DPH6: variants seen among roughly 807,000 people sequenced by gnomAD.
DPH6 encodes diphthamine biosynthesis 6, also known as diphthine--ammonia ligase.
Under a neutral mutation model 38.2 loss-of-function variants are expected in DPH6, and 33 were observed. The ratio of observed to expected loss-of-function variants is 0.86; its 90% CI spans 0.65 to 1.15. The LOEUF (loss-of-function observed/expected upper bound fraction) is 1.15. Ranked by LOEUF, DPH6 falls within the 50% of genes most tolerant of loss-of-function variation. The pLI, the probability that DPH6 is intolerant of heterozygous loss-of-function variation, is 0.00. For missense variants in DPH6, 325 were observed against 320.0 expected, an observed-to-expected ratio of 1.02 and a Z score of -0.12; for synonymous variants, 108 against 103.0, an observed-to-expected ratio of 1.05 and a Z score of -0.30.
At chr15:35,187,417 T>TTC in the DPH6 span, among the ~76,000 whole-genome samples, 1 of 152,224 alleles carries the variant, frequency 6.6e-6, no homozygotes, top group African/African-American at 2.4e-5. Context: ...AATAGCTGAA[T>TTC]GGATTAATAT....
downstream of DPH6, among the ~76,000 whole-genome samples, chr15:35,369,108 G>A (rs1221937618): frequency 2.0e-5 from 3 of 151,722 alleles, no homozygotes; most frequent in African/African-American, 7.3e-5. Context: ...TAGTACAGAG[G>A]CATATGACCA....
intron 5 of DPH6, among the ~76,000 whole-genome samples, chr15:35,416,964 G>A (rs1595545086): frequency 6.6e-6 from 1 of 151,972 alleles, no homozygotes; most frequent in East Asian, 1.9e-4. Context: ...GGATGTTGTA[G>A]GAAGATTATT....
At chr15:35,377,539 A>G (rs536443644) in intron 7 of DPH6, among the ~76,000 whole-genome samples, 2 of 152,324 alleles carry the variant, frequency 1.3e-5, no homozygotes, top group South Asian at 4.1e-4. Context: ...ATGTAAAATA[A>G]GTAATAAGAG....
At chr15:35,187,404 A>C in the DPH6 span, among the ~76,000 whole-genome samples, 3 of 152,356 alleles carry the variant, frequency 2.0e-5, no homozygotes, top group African/African-American at 7.2e-5. Context: ...CAAATGTACC[A>C]GTAATAGCTG....
chr15:35,324,887 G>C (rs2052269479), intron 3 of DPH6, among the ~76,000 whole-genome samples: 1 of 152,140 alleles, frequency 6.6e-6, no homozygotes, highest in Non-Finnish European at 1.5e-5. Flanking sequence ...CTATGAAAGT[G>C]AAACAATTAT....
intron 6 of DPH6, among the ~76,000 whole-genome samples, chr15:35,404,606 C>T (rs1042006787): frequency 6.6e-6 from 1 of 152,134 alleles, no homozygotes; most frequent in East Asian, 1.9e-4. Flanking sequence ...GTATAAGCTC[C>T]TTCTATATTC....
At chr15:35,454,949 A>C in intron 3 of DPH6, 129 bp from the exon 4 acceptor site, 1 of 588,140 alleles carries the variant, frequency 1.7e-6, no homozygotes, top group Admixed American at 3.8e-5. Flanking sequence ...ATTTACTGAA[A>C]ATATAATCGA....
the DPH6 span, among the ~76,000 whole-genome samples, chr15:35,205,935 T>C: frequency 1.3e-5 from 2 of 152,136 alleles, no homozygotes; most frequent in Non-Finnish European, 2.9e-5. Context: ...AAATAACTTA[T>C]ATTGCTTTCT....
Position 35,543,259 on chromosome 15 carries a change from AATATATATATATAT to A in DPH6, c.24-766_24-753del, listed in dbSNP as rs6145522. Among the ~76,000 whole-genome samples the A allele has an allele frequency of 7.9e-3, 902 of 114,100 alleles. 7 individuals carry two copies. Among genetic ancestry groups the A allele is most frequent in the East Asian group, 0.019 (78 of 4,210 alleles). The allele number at this position is 114,100 out of a possible 152,430, so 74.9% of individuals were successfully genotyped here. A position where few individuals can be genotyped will look rare whatever the true frequency, so the allele number is the denominator to read the frequency against. On this transcript the variant is annotated intron_variant, in intron 1 of 8. Transcript: ENST00000256538. ...ATACATATAGTACACACATACACAT[AATATATATATATAT>A]ATATATATATATATATATATATATA...
chr15:35,349,925 T>C (rs1053879758), intron 3 of DPH6, among the ~76,000 whole-genome samples: 2 of 152,228 alleles, frequency 1.3e-5, no homozygotes, highest in African/African-American at 4.8e-5. Flanking sequence ...TTTTCGTTTC[T>C]TAAAGTATCT....
At chr15:35,490,439 G>A (rs1371484088) in intron 3 of DPH6, among the ~76,000 whole-genome samples, 1 of 152,106 alleles carries the variant, frequency 6.6e-6, no homozygotes, top group Non-Finnish European at 1.5e-5. Flanking sequence ...TATAATGACA[G>A]CAATCTGCTG....
intron 3 of DPH6, among the ~76,000 whole-genome samples, chr15:35,494,689 T>C (rs1435683364): frequency 6.6e-6 from 1 of 152,070 alleles, no homozygotes; most frequent in Non-Finnish European, 1.5e-5. Flanking sequence ...TATTTTCCAC[T>C]ATTTACTATA....
chr15:35,238,155 A>AT (rs141813373), intron 3 of DPH6: 1,956 of 614,470 alleles, frequency 3.2e-3, no homozygotes, highest in East Asian at 5.6e-3. Context: ...CCTGAAACTT[A>AT]TTTTTTTTTC....
At chr15:35,249,413 A>G (rs1161788010) in intron 3 of DPH6, among the ~76,000 whole-genome samples, 2 of 152,268 alleles carry the variant, frequency 1.3e-5, no homozygotes, top group Non-Finnish European at 1.5e-5. Flanking sequence ...TTTTCAAAGC[A>G]TAAAGTCCTT....
chr15:35,543,982 T>C (rs958424434), intron 1 of DPH6, among the ~76,000 whole-genome samples: 4 of 152,350 alleles, frequency 2.6e-5, no homozygotes, highest in Middle Eastern at 6.8e-3. Flanking sequence ...TTTACCAAAC[T>C]GTGTTCTGTG....
At chr15:35,256,040 A>G (rs2051706178) in intron 3 of DPH6, among the ~76,000 whole-genome samples, 1 of 152,024 alleles carries the variant, frequency 6.6e-6, no homozygotes, top group Admixed American at 6.6e-5. Flanking sequence ...TAAATCTTTA[A>G]TAAACTTACA....
At chr15:35,174,692 CA>C in the DPH6 span, among the ~76,000 whole-genome samples, 1,052 of 152,218 alleles carry the variant, frequency 6.9e-3, 15 homozygotes, top group African/African-American at 0.024. Context: ...TTAATATTTT[CA>C]AAGCTCCTTG....
chr15:35,448,061 A>G (rs2053879937), intron 5 of DPH6, among the ~76,000 whole-genome samples: 2 of 152,178 alleles, frequency 1.3e-5, no homozygotes, highest in South Asian at 4.1e-4. Context: ...AGTAATAGGT[A>G]AAAGTGGTCT....
intron 3 of DPH6, among the ~76,000 whole-genome samples, chr15:35,365,418 T>A (rs544130476): frequency 6.6e-6 from 1 of 152,274 alleles, no homozygotes; most frequent in South Asian, 2.1e-4. Flanking sequence ...GTGTTCTGAA[T>A]GAATAAATCG....
Sources: gnomAD v4.1 joint callset for allele counts (sites outside exome capture counted in the v4.1 genomes callset) on GRCh38, gnomAD v4.1.1 for gene constraint, MANE v1.5 for transcripts, NCBI Gene and HGNC (gene_info 2026-07-23, HGNC 2026-07-21) for gene names.